The following AAK1 variants were observed in gnomAD, a reference collection of about 807,000 sequenced individuals.
AAK1 encodes AP2 associated kinase 1, also known as AP2-associated protein kinase 1.
AAK1 carries 37 observed loss-of-function variants against 116.0 expected under a neutral mutation model. The ratio of observed to expected loss-of-function variants is 0.32; its 90% CI spans 0.25 to 0.42. AAK1 has a LOEUF of 0.42. Ranked by LOEUF, AAK1 falls within the 10% of genes least tolerant of loss-of-function variation. AAK1 has a pLI of 1.00. For missense variants in AAK1, 919 were observed against 1,170.6 expected (o/e 0.79, Z 3.14); for synonymous variants, 458 against 439.9 (o/e 1.04, Z -0.51).
chr2:69,484,429 C>T lies in AAK1; in HGVS notation c.2366-1617G>A, dbSNP rs140539601. On this transcript the variant is annotated intron_variant, in intron 17 of 21. Coordinates refer to ENST00000409085, the MANE Select transcript of AAK1 (RefSeq NM_014911.5). ...GCCAATTCACCATCTCTGGAGTCTA[C>T]GGAATGCAGATAACTTTGAATTAAA... Among the ~76,000 whole-genome samples, 348 of 152,226 alleles carry T rather than the reference C, an allele frequency of 2.3e-3. 2 individuals carry two copies. Among genetic ancestry groups the T allele is most frequent in the African/African-American group, 7.3e-3 (302 of 41,520 alleles).
chr2:69,521,390 G>A (rs1669772235), intron 10 of AAK1, among the ~76,000 whole-genome samples: 1 of 152,182 alleles, frequency 6.6e-6, no homozygotes, highest in South Asian at 2.1e-4. Flanking sequence ...GAGGTTTGAG[G>A]CACATGGTTT....
Position 69,478,991 on chromosome 2 carries a change from T to G in AAK1, c.2640A>C (p.Glu880Asp), listed in dbSNP as rs1384669398. Residue 880 changes from glutamate to aspartate, a missense_variant, in exon 20 of 22, where the codon GAA becomes GAC. Transcript: ENST00000409085. ...CAGAGATTGCTGTGGGGGCAAACTC[T>G]TCCAGAAGGTCAGTAGTAGGGTTAG... ...LLSNPTTDLL[E>D]EFAPTAISAP... The G allele has an allele frequency of 1.2e-6, 2 of 1,613,782 alleles. No individual in the cohort carries two copies. The highest frequency in any genetic ancestry group is 2.7e-5 in the African/African-American group (2 of 74,892).
chr2:69,558,751 C>T (rs1216599426), intron 2 of AAK1, among the ~76,000 whole-genome samples: 1 of 152,142 alleles, frequency 6.6e-6, no homozygotes, highest in Non-Finnish European at 1.5e-5. Flanking sequence ...GGTTAGGAGC[C>T]ACATGCAAAA....
intron 2 of AAK1, among the ~76,000 whole-genome samples, chr2:69,576,821 C>G (rs1003503452): frequency 1.3e-5 from 2 of 152,134 alleles, no homozygotes; most frequent in Admixed American, 1.3e-4. Context: ...AATAAATGAC[C>G]ATGGAAGTGT....
intron 2 of AAK1, among the ~76,000 whole-genome samples, chr2:69,600,400 A>T (rs1288857086): frequency 6.6e-6 from 1 of 152,076 alleles, no homozygotes; most frequent in South Asian, 2.1e-4. Flanking sequence ...CAACATTAAT[A>T]GGAGTTTGGA....
intron 17 of AAK1, among the ~76,000 whole-genome samples, chr2:69,493,876 G>C (rs559798220): frequency 1.3e-5 from 2 of 152,148 alleles, no homozygotes; most frequent in South Asian, 4.1e-4. Flanking sequence ...CCCAGGGTGG[G>C]AACAAGCTTA....
chr2:69,492,142 A>G (rs973500665), intron 17 of AAK1, among the ~76,000 whole-genome samples: 2 of 152,226 alleles, frequency 1.3e-5, no homozygotes, highest in Admixed American at 6.5e-5. Context: ...TGTACGTGAA[A>G]TCATTTTAAA....
At chr2:69,504,098 T>C (rs1431915543) in intron 16 of AAK1, among the ~76,000 whole-genome samples, 1 of 151,988 alleles carries the variant, frequency 6.6e-6, no homozygotes, top group African/African-American at 2.4e-5. Context: ...AAAATATGAC[T>C]ATAAAGATGC....
chr2:69,491,837 C>T (rs940753146), intron 17 of AAK1, among the ~76,000 whole-genome samples: 1 of 152,152 alleles, frequency 6.6e-6, no homozygotes, highest in African/African-American at 2.4e-5. Flanking sequence ...AGTGATTTGA[C>T]CACAATCACC....
chr2:69,461,518 A>AAC lies in AAK1; in HGVS notation c.*14350_*14351insGT. On this transcript the variant is annotated 3_prime_UTR_variant, in exon 22 of 22. Coordinates refer to ENST00000409085, the MANE Select transcript of AAK1 (RefSeq NM_014911.5). ...CATCACCAAAAAAAAAAAAAAAAGT[A>AAC]ATTTGCATGTGTTTGCATCCGTTTC... is the stretch of plus-strand genomic sequence containing the variant. The AAC allele has an allele frequency of 4.4e-6, 1 of 225,840 alleles. No individual in the cohort carries two copies. Among genetic ancestry groups the AAC allele is most frequent in the Non-Finnish European group, 9.0e-6 (1 of 110,582 alleles). 14.0% of individuals were successfully genotyped at this position (225,840 alleles called of 1,614,324 possible).
At chr2:69,534,440 A>G (rs960063988) in intron 5 of AAK1, among the ~76,000 whole-genome samples, 3 of 152,232 alleles carry the variant, frequency 2.0e-5, no homozygotes, top group Non-Finnish European at 4.4e-5. Context: ...TTGGTGCTTT[A>G]TGTTCAGAAA....
intron 12 of AAK1, chr2:69,516,971 G>A (rs1676608503): frequency 6.6e-6 from 1 of 152,230 alleles, no homozygotes; most frequent in African/African-American, 2.4e-5. Flanking sequence ...AAACTCCAGG[G>A]CTGATTAGTA....
intron 2 of AAK1, among the ~76,000 whole-genome samples, chr2:69,626,502 A>AT (rs1254442997): frequency 5.5e-4 from 79 of 142,788 alleles, no homozygotes; most frequent in African/African-American, 1.8e-3. Flanking sequence ...AATTATTATT[A>AT]TTATTATTTT....
intron 13 of AAK1, among the ~76,000 whole-genome samples, 154 bp downstream of exon 13, chr2:69,514,317 T>C (rs1676500642): frequency 6.6e-6 from 1 of 152,230 alleles, no homozygotes; most frequent in South Asian, 2.1e-4. Flanking sequence ...ATACTATTCT[T>C]GGATATATCA....
chr2:69,630,224 A>T (rs1675102532), intron 2 of AAK1, among the ~76,000 whole-genome samples: 1 of 151,924 alleles, frequency 6.6e-6, no homozygotes, highest in East Asian at 1.9e-4. Flanking sequence ...CCTGACACAC[A>T]GGTAGCTTTC....
intron 2 of AAK1, among the ~76,000 whole-genome samples, chr2:69,633,071 A>G (rs1675272235): frequency 6.6e-6 from 1 of 151,530 alleles, no homozygotes; most frequent in South Asian, 2.1e-4. Context: ...ATTAAAAAAA[A>G]TTAGCCAGGC....
In AAK1 at chr2:69,478,757, C is replaced by T. The variant is rs79036525; in HGVS notation, c.2680+194G>A. ...GCCTGAGCTACCACAACTGGCCGGT[C>T]GTCTAAGTCTTAGTAAATATTCTCA... On this transcript the variant is annotated intron_variant, in intron 20 of 21. Coordinates refer to ENST00000409085, the MANE Select transcript of AAK1 (RefSeq NM_014911.5). 1,626 of 484,942 alleles carry T rather than the reference C, an allele frequency of 3.4e-3. 27 individuals carry two copies. Among genetic ancestry groups the T allele is most frequent in the African/African-American group, 0.029 (1,476 of 50,412 alleles). The allele number at this position is 484,942 out of a possible 1,614,324, so 30.0% of individuals were successfully genotyped here. A position where few individuals can be genotyped will look rare whatever the true frequency, so the allele number is the denominator to read the frequency against.
rs1013369333 is a variant in AAK1 at position 69,542,747 on chromosome 2, A to G, written c.392-82T>C. The G allele has an allele frequency of 1.4e-5, 21 of 1,502,496 alleles. No homozygotes were observed. In the Admixed American group the frequency reaches 1.5e-4, roughly 11 times the overall value. The allele number at this position is 1,502,496 out of a possible 1,614,324, so 93.1% of individuals were successfully genotyped here. A position where few individuals can be genotyped will look rare whatever the true frequency, so the allele number is the denominator to read the frequency against. Reference sequence around the variant, plus strand: ...AGTCTAAGAGAATGAACGGCGTCCAAAGAGAAGCAGTCTGGACTAAGGTAA... The same window carrying G: ...AGTCTAAGAGAATGAACGGCGTCCAGAGAGAAGCAGTCTGGACTAAGGTAA... On this transcript the variant is annotated intron_variant, in intron 4 of 21. Transcript: ENST00000409085.
intron 20 of AAK1, chr2:69,478,568 T>G: frequency 4.6e-6 from 1 of 218,858 alleles, no homozygotes. Context: ...TCATCCCACC[T>G]CAGTCTCCCG....
Sources: gnomAD v4.1 joint callset for allele counts (sites outside exome capture counted in the v4.1 genomes callset) on GRCh38, gnomAD v4.1.1 for gene constraint, MANE v1.5 for transcripts, NCBI Gene and HGNC (gene_info 2026-07-23, HGNC 2026-07-21) for gene names.